Variants in SGIP1 observed in about 807,000 individuals in gnomAD.
The protein encoded by SGIP1 is SH3GL interacting endocytic adaptor 1, also known as SH3-containing GRB2-like protein 3-interacting protein 1.
SGIP1 carries 38 observed loss-of-function variants against 107.5 expected under a neutral mutation model. That is an observed-to-expected ratio of 0.35 (90% CI 0.27 to 0.46). The LOEUF (loss-of-function observed/expected upper bound fraction) is 0.46. Ranked by LOEUF, SGIP1 falls within the 20% of genes least tolerant of loss-of-function variation. The pLI is 1.00. For synonymous variants in SGIP1, 365 were observed against 366.1 expected (o/e 1.00, Z 0.03); for missense variants, 929 against 1,019.5 (o/e 0.91, Z 1.21).
intron 1 of SGIP1, among the ~76,000 whole-genome samples, chr1:66,580,774 A>T (rs2061705257): frequency 6.6e-6 from 1 of 152,184 alleles, no homozygotes; most frequent in Non-Finnish European, 1.5e-5. Context: ...TTCATGCATG[A>T]CTACATAGCG....
At chr1:66,695,185 A>C (rs1177291571) in intron 17 of SGIP1, 3 of 701,898 alleles carry the variant, frequency 4.3e-6, no homozygotes, top group Admixed American at 6.2e-5. Flanking sequence ...ACCAAGTATC[A>C]AGCGACCACC....
chr1:66,725,947 G>A (rs2093733301), intron 19 of SGIP1, among the ~76,000 whole-genome samples: 1 of 152,198 alleles, frequency 6.6e-6, no homozygotes. Flanking sequence ...CAGGAGGCTG[G>A]AAAAGAATCC....
chr1:66,695,230 T>C (rs1176429703), intron 17 of SGIP1: 2 of 1,089,350 alleles, frequency 1.8e-6, no homozygotes, highest in East Asian at 2.7e-5. Context: ...TCCATAGCTT[T>C]GCTTTTGCTT....
At position 66,649,227 on chromosome 1, in the gene SGIP1, T is replaced by G. The variant is rs185519039; in HGVS notation, c.459+5508T>G. 1.4e-3 allele frequency among the ~76,000 whole-genome samples: 208 copies of G among 150,950 alleles called. 1 individual carries two copies. The highest frequency in any genetic ancestry group is 4.9e-3 in the African/African-American group (205 of 41,534). ...TTCTGAGCCAAATCTGATCTGCCTTTTAGAGGAACTACTTTTAAGTTAGTT... is the reference window on the plus strand; with the variant it reads ...TTCTGAGCCAAATCTGATCTGCCTTGTAGAGGAACTACTTTTAAGTTAGTT... On this transcript the variant is annotated intron_variant, in intron 7 of 24. Coordinates refer to ENST00000371037, the MANE Select transcript of SGIP1 (RefSeq NM_032291.4).
intron 18 of SGIP1, among the ~76,000 whole-genome samples, chr1:66,708,418 A>G (rs150749850): frequency 2.0e-5 from 3 of 152,316 alleles, no homozygotes; most frequent in African/African-American, 4.8e-5. Flanking sequence ...ATTTGGCTGT[A>G]TGAGTCTTCA....
intron 1 of SGIP1, among the ~76,000 whole-genome samples, chr1:66,575,915 G>A (rs2060995780): frequency 6.6e-6 from 1 of 152,178 alleles, no homozygotes. Flanking sequence ...AACAGATCCA[G>A]GCTTCAGTAG....
chr1:66,739,517 A>C lies in SGIP1; in HGVS notation c.2214A>C (p.Ala738=). Reference sequence around the variant, plus strand: ...ACGGAGGAGTCACCAAGCTCCAGGCAGTGCTCCCACCAGCAGTCTGGTATG... The same window carrying C: ...ACGGAGGAGTCACCAAGCTCCAGGCCGTGCTCCCACCAGCAGTCTGGTATG... ...PIDGGVTKLQ[A]VLPPAVWNAE... is the part of the protein sequence containing the mutation. Residue 738 remains alanine (A), a synonymous_variant, in exon 22 of 25, where the codon GCA becomes GCC. Coordinates refer to ENST00000371037, the MANE Select transcript of SGIP1 (RefSeq NM_032291.4). 1.2e-6 allele frequency: 2 copies of C among 1,613,976 alleles called. No individual in the cohort carries two copies. The highest frequency in any genetic ancestry group is 1.7e-6 in the Non-Finnish European group (2 of 1,180,026).
intron 1 of SGIP1, among the ~76,000 whole-genome samples, chr1:66,596,600 C>T (rs372940734): frequency 6.6e-6 from 1 of 151,510 alleles, no homozygotes; most frequent in East Asian, 2.0e-4. Flanking sequence ...AAGGATTTAA[C>T]TTTCAGGCTT....
chr1:66,662,111 G>A (rs2081612945), intron 8 of SGIP1, among the ~76,000 whole-genome samples: 2 of 152,118 alleles, frequency 1.3e-5, no homozygotes, highest in African/African-American at 2.4e-5. Flanking sequence ...GCAAATTAAT[G>A]CTTGCCAAAT....
At chr1:66,692,436 C>T (rs948857919) in intron 17 of SGIP1, among the ~76,000 whole-genome samples, 1 of 152,174 alleles carries the variant, frequency 6.6e-6, no homozygotes, top group Admixed American at 6.5e-5. Context: ...CTGAATTCCT[C>T]ACCCTCCTGC....
At chr1:66,671,045 T>C (rs2083656469) in intron 10 of SGIP1, 26 bp downstream of exon 10, 3 of 1,235,686 alleles carry the variant, frequency 2.4e-6, no homozygotes, top group African/African-American at 3.0e-5. Context: ...CTACCAGAAA[T>C]AGTGTATGAT....
At chr1:66,682,778 T>C (rs1292320820) in intron 15 of SGIP1, among the ~76,000 whole-genome samples, 4 of 151,716 alleles carry the variant, frequency 2.6e-5, no homozygotes, top group Admixed American at 6.6e-5. Flanking sequence ...GCCAATGTGT[T>C]ATGTGTGTAT....
intron 1 of SGIP1, among the ~76,000 whole-genome samples, chr1:66,538,849 CT>C (rs1258743159): frequency 6.6e-6 from 1 of 152,074 alleles, no homozygotes; most frequent in Non-Finnish European, 1.5e-5. Flanking sequence ...TTGGATGTTG[CT>C]GTTTGAAGGA....
intron 1 of SGIP1, among the ~76,000 whole-genome samples, chr1:66,598,612 A>G (rs909748107): frequency 1.5e-4 from 23 of 152,150 alleles, no homozygotes; most frequent in African/African-American, 5.3e-4. Flanking sequence ...AAAACTTACA[A>G]TCGTGGCTGA....
chr1:66,605,776 A>G (rs1200707795), intron 1 of SGIP1, among the ~76,000 whole-genome samples: 1 of 152,096 alleles, frequency 6.6e-6, no homozygotes, highest in Admixed American at 6.5e-5. Context: ...AGAGGATACA[A>G]CGTTTTAGCA....
At chr1:66,683,687 G>C (rs6664403) in intron 15 of SGIP1, among the ~76,000 whole-genome samples, 18,947 of 81,676 alleles carry the variant, frequency 0.23, 1,346 homozygotes, top group East Asian at 0.37. Flanking sequence ...CACACTGTTT[G>C]TTTGTTTCTT....
intron 1 of SGIP1, among the ~76,000 whole-genome samples, chr1:66,553,050 C>G (rs1571223466): frequency 6.6e-6 from 1 of 152,218 alleles, no homozygotes; most frequent in East Asian, 1.9e-4. Flanking sequence ...TTGCACTTCC[C>G]ATCTCCCCAA....
chr1:66,659,950 A>AAAAGAAAGAAAG lies in SGIP1; in HGVS notation c.460-525_460-514dup, dbSNP rs71058469. Among the ~76,000 whole-genome samples, 42 of 43,014 alleles carry AAAAGAAAGAAAG rather than the reference A, an allele frequency of 9.8e-4. 1 individual carries two copies. The highest frequency in any genetic ancestry group is 1.2e-3 in the Admixed American group (3 of 2,604). 28.2% of individuals were successfully genotyped at this position (43,014 alleles called of 152,430 possible). A position where few individuals can be genotyped will look rare whatever the true frequency, so the allele number is the denominator to read the frequency against. On this transcript the variant is annotated intron_variant, in intron 7 of 24. Transcript: ENST00000371037. Reference sequence around the variant, plus strand: ...AAAAAGAGAGAAAGAAAAAGAAAGAAAAAGAAAGAAAGAAAGAAAGAAAGA... The same window carrying AAAAGAAAGAAAG: ...AAAAAGAGAGAAAGAAAAAGAAAGAAAAAGAAAGAAAGAAAGAAAGAAAGAAAGAAAGAAAGA...
chr1:66,741,050 C>T (rs2094433182), intron 23 of SGIP1, among the ~76,000 whole-genome samples: 1 of 152,148 alleles, frequency 6.6e-6, no homozygotes, highest in Admixed American at 6.5e-5. Context: ...CAAGGGCTTC[C>T]AAGTAGCACG....
Sources: gnomAD v4.1 joint callset for allele counts (sites outside exome capture counted in the v4.1 genomes callset) on GRCh38, gnomAD v4.1.1 for gene constraint, MANE v1.5 for transcripts, NCBI Gene and HGNC (gene_info 2026-07-23, HGNC 2026-07-21) for gene names.